The following LRMDA variants were observed in gnomAD, a reference collection of about 807,000 sequenced individuals.
LRMDA encodes leucine rich melanocyte differentiation associated, also known as leucine-rich melanocyte differentiation-associated protein.
LRMDA carries 18 observed loss-of-function variants against 29.8 expected under a neutral mutation model. The observed-to-expected ratio is 0.60, with a 90% confidence interval of 0.42 to 0.90. The LOEUF is 0.90. Among genes scored for constraint, LRMDA ranks in the 40% least tolerant of loss-of-function variants. The pLI is 0.00. For synonymous variants in LRMDA, 125 were observed against 109.4 expected, an observed-to-expected ratio of 1.14 and a Z score of -0.89; for missense variants, 273 against 273.9, an observed-to-expected ratio of 1.00 and a Z score of 0.02.
chr10:75,800,151 T>C (rs1312589977), intron 2 of LRMDA, among the ~76,000 whole-genome samples: 1 of 152,190 alleles, frequency 6.6e-6, no homozygotes, highest in African/African-American at 2.4e-5. Context: ...TGTCATCTGT[T>C]TTCAAACTTT....
chr10:76,504,522 AGTTAAATCTTCTT>A, intron 6 of LRMDA, among the ~76,000 whole-genome samples: 1 of 152,084 alleles, frequency 6.6e-6, no homozygotes, highest in East Asian at 1.9e-4. Context: ...TGTTTATGAT[AGTTAAATCTTCTT>A]GTTAAATCAA....
intron 2 of LRMDA, among the ~76,000 whole-genome samples, chr10:75,587,485 CAT>C (rs2132081349): frequency 6.6e-6 from 1 of 152,218 alleles, no homozygotes; most frequent in South Asian, 2.1e-4. Flanking sequence ...TTTGCTAACC[CAT>C]CTTTTATATA....
chr10:75,642,424 A>T (rs1215695590), intron 2 of LRMDA: 1 of 152,218 alleles, frequency 6.6e-6, no homozygotes, highest in Non-Finnish European at 1.5e-5. Flanking sequence ...CGTTTGTGGT[A>T]GTGATTGCTT....
At chr10:76,092,467 C>T (rs1228349515) in intron 5 of LRMDA, among the ~76,000 whole-genome samples, 2 of 152,230 alleles carry the variant, frequency 1.3e-5, no homozygotes, top group East Asian at 3.9e-4. Context: ...TATATCCAAT[C>T]TCTCTTCCTC....
rs919079203 is a variant in LRMDA at position 75,695,383 on chromosome 10, TA to T, written c.131+256897del. Among the ~76,000 whole-genome samples, 49 of 152,022 alleles carry T rather than the reference TA, an allele frequency of 3.2e-4. No homozygotes were observed. In the South Asian group the frequency reaches 4.4e-3, roughly 14 times the overall value. On this transcript the variant is annotated intron_variant, in intron 2 of 6. Transcript: ENST00000611255. ...CTCTTATGTCTTAAAAATTGTAGAT[TA>T]AAAAAAACTAGTTTTTTTTTTGCTT...
intron 2 of LRMDA, among the ~76,000 whole-genome samples, chr10:75,673,978 T>C (rs1044417674): frequency 6.6e-6 from 1 of 152,214 alleles, no homozygotes; most frequent in Non-Finnish European, 1.5e-5. Flanking sequence ...ACTGTTGCCT[T>C]CCTTGAAGAT....
At chr10:76,260,828 C>A (rs1201708603) in intron 5 of LRMDA, 1 of 152,122 alleles carries the variant, frequency 6.6e-6, no homozygotes, top group Non-Finnish European at 1.5e-5. Context: ...AATTCATATG[C>A]CATCCTTGTG....
At chr10:75,996,644 G>T (rs1483820787) in intron 2 of LRMDA, among the ~76,000 whole-genome samples, 2 of 151,950 alleles carry the variant, frequency 1.3e-5, no homozygotes, top group Non-Finnish European at 2.9e-5. Context: ...AAAGCATGTT[G>T]CATCTGTTAA....
chr10:75,679,044 C>T (rs1841994522), intron 2 of LRMDA, among the ~76,000 whole-genome samples: 1 of 152,132 alleles, frequency 6.6e-6, no homozygotes, highest in African/African-American at 2.4e-5. Flanking sequence ...AACACAGAGC[C>T]CTCCTCCTCT....
At chr10:75,470,422 A>G (rs958937650) in intron 2 of LRMDA, among the ~76,000 whole-genome samples, 4 of 152,194 alleles carry the variant, frequency 2.6e-5, no homozygotes, top group African/African-American at 9.7e-5. Context: ...ACTTGAACCC[A>G]GGAGGTGGAG....
intron 2 of LRMDA, among the ~76,000 whole-genome samples, chr10:75,891,126 A>G (rs1845482512): frequency 6.6e-6 from 1 of 150,580 alleles, no homozygotes; most frequent in African/African-American, 2.4e-5. Flanking sequence ...AAAGAAAGAA[A>G]GAAAGAAAGT....
At chr10:76,124,949 C>G (rs951339631) in intron 5 of LRMDA, among the ~76,000 whole-genome samples, 1 of 152,182 alleles carries the variant, frequency 6.6e-6, no homozygotes, top group Non-Finnish European at 1.5e-5. Flanking sequence ...GCCATACTGT[C>G]AGTAGAGAAA....
rs144232369 is a variant in LRMDA at position 76,504,997 on chromosome 10, G to C, written c.602-52212G>C. ...GACCTCTTGTAAGGTTGGTCTAGTG[G>C]TAATAAATTCCCTCAGTATTTGCTT... On this transcript the variant is annotated intron_variant, in intron 6 of 6. Coordinates refer to ENST00000611255, the MANE Select transcript of LRMDA (RefSeq NM_001305581.2). 3.5e-4 allele frequency among the ~76,000 whole-genome samples: 53 copies of C among 152,102 alleles called. No homozygotes were observed. The East Asian group carries it at 9.9e-3, about 28-fold the overall frequency.
chr10:75,878,779 G>T (rs1845243839), intron 2 of LRMDA, among the ~76,000 whole-genome samples: 1 of 152,150 alleles, frequency 6.6e-6, no homozygotes. Context: ...GGTACCAGGA[G>T]TGTAGTCTGG....
intron 2 of LRMDA, among the ~76,000 whole-genome samples, chr10:75,634,577 G>A (rs575761439): frequency 1.4e-4 from 21 of 152,258 alleles, no homozygotes; most frequent in African/African-American, 4.1e-4. Flanking sequence ...TTACCTGCCC[G>A]CCCCAGTGGG....
chr10:76,396,885 G>A (rs1841790624), intron 6 of LRMDA, among the ~76,000 whole-genome samples: 1 of 152,032 alleles, frequency 6.6e-6, no homozygotes, highest in Admixed American at 6.6e-5. Context: ...ATTTTCCTGA[G>A]AGTCTGAGGA....
intron 6 of LRMDA, among the ~76,000 whole-genome samples, chr10:76,436,318 C>G (rs1842244350): frequency 6.6e-6 from 1 of 152,164 alleles, no homozygotes; most frequent in African/African-American, 2.4e-5. Context: ...AGAAAAGACT[C>G]CATTGTCATT....
At chr10:76,069,601 CTTT>C in intron 5 of LRMDA, among the ~76,000 whole-genome samples, 1 of 140,974 alleles carries the variant, frequency 7.1e-6, no homozygotes, top group African/African-American at 2.6e-5. Flanking sequence ...CCAAAGCTGT[CTTT>C]TTTTTTTTTT....
At chr10:76,532,939 G>C (rs1843250540) in intron 6 of LRMDA, among the ~76,000 whole-genome samples, 1 of 152,100 alleles carries the variant, frequency 6.6e-6, no homozygotes, top group African/African-American at 2.4e-5. Context: ...TTACGATCTT[G>C]CTACAGAGTG....
Sources: allele counts gnomAD v4.1 joint callset (sites outside exome capture counted in the v4.1 genomes callset), GRCh38; gene constraint gnomAD v4.1.1; transcripts MANE v1.5; gene names NCBI Gene and HGNC (gene_info 2026-07-23, HGNC 2026-07-21).